GRID1: variants seen among roughly 807,000 people sequenced by gnomAD.
GRID1 encodes the protein glutamate ionotropic receptor delta type subunit 1, also known as glutamate receptor ionotropic, delta-1.
GRID1 carries 28 observed loss-of-function variants against 98.0 expected under a neutral mutation model. The ratio of observed to expected loss-of-function variants is 0.29; its 90% confidence interval spans 0.21 to 0.39. The LOEUF is 0.39. Among genes scored for constraint, GRID1 ranks in the 10% least tolerant of loss-of-function variants. GRID1 has a pLI of 1.00. For synonymous variants in GRID1, 553 were observed against 538.5 expected (o/e 1.03, Z -0.37); for missense variants, 1,111 against 1,340.5 (o/e 0.83, Z 2.67).
intron 4 of GRID1, among the ~76,000 whole-genome samples, chr10:86,002,664 G>T (rs939538849): frequency 1.3e-5 from 2 of 152,152 alleles, no homozygotes; most frequent in Non-Finnish European, 2.9e-5. Context: ...CATAGTGATT[G>T]CTGTGTTATT....
At chr10:85,936,173 G>A (rs1014579154) in intron 4 of GRID1, among the ~76,000 whole-genome samples, 4 of 152,216 alleles carry the variant, frequency 2.6e-5, no homozygotes, top group Non-Finnish European at 5.9e-5. Context: ...AACAGATGAT[G>A]CTGAACTACA....
chr10:86,336,946 G>C (rs545956744), intron 2 of GRID1, among the ~76,000 whole-genome samples: 36 of 150,636 alleles, frequency 2.4e-4, no homozygotes, highest in Admixed American at 9.9e-4. Flanking sequence ...CTGGGTTCAC[G>C]CCATTCTCCT....
chr10:85,669,972 T>A (rs1349563179), intron 12 of GRID1, among the ~76,000 whole-genome samples: 1 of 152,218 alleles, frequency 6.6e-6, no homozygotes, highest in Non-Finnish European at 1.5e-5. Context: ...CACACCTGCA[T>A]CATAACAAGG....
intron 4 of GRID1, among the ~76,000 whole-genome samples, chr10:86,124,335 G>A (rs1844720666): frequency 6.6e-6 from 1 of 152,108 alleles, no homozygotes; most frequent in South Asian, 2.1e-4. Context: ...CTCTCCCCCT[G>A]GCTCACCTGG....
intron 12 of GRID1, among the ~76,000 whole-genome samples, chr10:85,717,065 A>T (rs1186330798): frequency 6.6e-6 from 1 of 152,206 alleles, no homozygotes; most frequent in Non-Finnish European, 1.5e-5. Flanking sequence ...TATAGTTAAT[A>T]AAATTGTGTT....
At chr10:85,857,177 C>T (rs149763196) in intron 6 of GRID1, among the ~76,000 whole-genome samples, 2 of 152,316 alleles carry the variant, frequency 1.3e-5, no homozygotes, top group Non-Finnish European at 2.9e-5. Context: ...TTGGGATTTG[C>T]AACTGTGCCC....
In GRID1 at chr10:86,260,123, T is replaced by A. The variant is rs1338931794; in HGVS notation, c.236-53475A>T. 3.7e-4 allele frequency among the ~76,000 whole-genome samples: 56 copies of A among 152,230 alleles called. 1 individual carries two copies. Among genetic ancestry groups the A allele is most frequent in the Admixed American group, 3.6e-3 (55 of 15,286 alleles). On this transcript the variant is annotated intron_variant, in intron 2 of 15. Coordinates refer to ENST00000327946, the MANE Select transcript of GRID1 (RefSeq NM_017551.3). ...GGAGTAGTCAGGGCAACAACCAGCATTCCTCTCCTGCACCTTGTTCTCTGT... is the reference window on the plus strand; with the variant it reads ...GGAGTAGTCAGGGCAACAACCAGCAATCCTCTCCTGCACCTTGTTCTCTGT...
At chr10:85,852,089 C>A (rs1020908155) in intron 8 of GRID1, among the ~76,000 whole-genome samples, 2 of 152,094 alleles carry the variant, frequency 1.3e-5, no homozygotes, top group Non-Finnish European at 2.9e-5. Context: ...GCACCCTAGG[C>A]CTGAATCACA....
chr10:85,764,374 G>C (rs988246839), intron 8 of GRID1, among the ~76,000 whole-genome samples: 5 of 152,188 alleles, frequency 3.3e-5, no homozygotes, highest in Non-Finnish European at 7.3e-5. Flanking sequence ...GCCTTCAAAT[G>C]GCCCCGCATA....
At chr10:86,070,034 A>G (rs547438635) in intron 4 of GRID1, among the ~76,000 whole-genome samples, 3 of 152,290 alleles carry the variant, frequency 2.0e-5, no homozygotes, top group South Asian at 4.1e-4. Flanking sequence ...GAAAGCCAGG[A>G]GCCTGGGTAG....
chr10:86,016,223 T>C (rs963262441), intron 4 of GRID1, among the ~76,000 whole-genome samples: 1 of 123,822 alleles, frequency 8.1e-6, no homozygotes, highest in Non-Finnish European at 1.8e-5. Context: ...CTCAGTTCAC[T>C]GCAAGCTCTG....
chr10:85,843,975 G>A (rs1222163050), intron 8 of GRID1, among the ~76,000 whole-genome samples: 2 of 151,992 alleles, frequency 1.3e-5, no homozygotes, highest in African/African-American at 4.8e-5. Flanking sequence ...GCTCATAGTG[G>A]CTTTATTCAT....
At chr10:85,981,130 T>G (rs1485591800) in intron 4 of GRID1, among the ~76,000 whole-genome samples, 1 of 151,502 alleles carries the variant, frequency 6.6e-6, no homozygotes, top group African/African-American at 2.4e-5. Context: ...GCACAGAGAG[T>G]TGGGAACTGA....
At chr10:85,987,306 T>A (rs1226320602) in intron 4 of GRID1, among the ~76,000 whole-genome samples, 1 of 140,192 alleles carries the variant, frequency 7.1e-6, no homozygotes, top group Non-Finnish European at 1.6e-5. Context: ...CCTCCCCCAG[T>A]CTCACCTCCC....
In GRID1 at chr10:86,044,193, T is replaced by A. The variant is rs563213047; in HGVS notation, c.726+94626A>T. ...AGTCTAGCAAGTGGCAAGCACATAA[T>A]AAGTGCCATATAAATGTTTGCTGAA... On this transcript the variant is annotated intron_variant, in intron 4 of 15. Coordinates refer to ENST00000327946, the MANE Select transcript of GRID1 (RefSeq NM_017551.3). Among the ~76,000 whole-genome samples, 33 of 152,350 alleles carry A rather than the reference T, an allele frequency of 2.2e-4. 1 individual carries two copies. The highest frequency in any genetic ancestry group is 7.9e-4 in the African/African-American group (33 of 41,590).
At chr10:85,786,014 T>C (rs1251876935) in intron 8 of GRID1, among the ~76,000 whole-genome samples, 2 of 151,738 alleles carry the variant, frequency 1.3e-5, no homozygotes, top group Non-Finnish European at 2.9e-5. Context: ...ACTATACACA[T>C]ACACATACAC....
At chr10:86,194,541 G>A (rs573064337) in intron 3 of GRID1, among the ~76,000 whole-genome samples, 11 of 152,142 alleles carry the variant, frequency 7.2e-5, no homozygotes, top group Non-Finnish European at 1.6e-4. Flanking sequence ...GTGGGAGAGG[G>A]AGAACACGTG....
intron 5 of GRID1, among the ~76,000 whole-genome samples, chr10:85,869,814 G>C (rs1843259365): frequency 6.6e-6 from 1 of 152,116 alleles, no homozygotes; most frequent in African/African-American, 2.4e-5. Flanking sequence ...CAAGTTCCAG[G>C]GCTAAGGAAA....
chr10:86,111,320 A>ATGTGGATG (rs2131952225), intron 4 of GRID1, among the ~76,000 whole-genome samples: 1 of 152,328 alleles, frequency 6.6e-6, no homozygotes, highest in Non-Finnish European at 1.5e-5. Flanking sequence ...CATAGCAAGC[A>ATGTGGATG]TGTGGATGCA....
Sources: allele counts gnomAD v4.1 joint callset (sites outside exome capture counted in the v4.1 genomes callset), GRCh38; gene constraint gnomAD v4.1.1; transcripts MANE v1.5; gene names NCBI Gene and HGNC (gene_info 2026-07-23, HGNC 2026-07-21).